RBFOX1: variants seen among roughly 807,000 people sequenced by gnomAD.
RBFOX1 encodes the protein RNA binding protein fox-1 homolog 1.
A neutral mutation model predicts 57.7 loss-of-function variants in RBFOX1; 8 were observed. The observed-to-expected ratio is 0.14, with a 90% CI of 0.08 to 0.25. RBFOX1 has a LOEUF of 0.25. RBFOX1 is among the 10% of genes least tolerant of loss of function. The pLI is 1.00. For missense variants in RBFOX1, 611 were observed against 548.5 expected, an observed-to-expected ratio of 1.11 and a Z score of -1.14; for synonymous variants, 326 against 222.4, an observed-to-expected ratio of 1.47 and a Z score of -4.15.
intron 4 of RBFOX1, among the ~76,000 whole-genome samples, chr16:7,106,913 T>C (rs1050497337): frequency 6.6e-6 from 1 of 151,838 alleles, no homozygotes; most frequent in Non-Finnish European, 1.5e-5. Flanking sequence ...GCAGTGGGCA[T>C]GCAACAAGGA....
chr16:5,820,505 A>T (rs1417490506), intron 3 of RBFOX1, among the ~76,000 whole-genome samples: 1 of 152,128 alleles, frequency 6.6e-6, no homozygotes, highest in Admixed American at 6.5e-5. Context: ...TTCTAGCCAC[A>T]AGGGAGGGGA....
chr16:7,450,128 G>A (rs1056930712), intron 4 of RBFOX1, among the ~76,000 whole-genome samples: 1 of 152,144 alleles, frequency 6.6e-6, no homozygotes, highest in African/African-American at 2.4e-5. Flanking sequence ...GAATGCGGTG[G>A]CTCATGCCTG....
At chr16:6,882,532 G>A (rs981001212) in intron 3 of RBFOX1, among the ~76,000 whole-genome samples, 2 of 152,192 alleles carry the variant, frequency 1.3e-5, no homozygotes, top group African/African-American at 2.4e-5. Flanking sequence ...AGGCAGGGAG[G>A]TTGCAGTGAG....
At chr16:6,557,786 A>C (rs1180100713) in intron 2 of RBFOX1, among the ~76,000 whole-genome samples, 1 of 152,152 alleles carries the variant, frequency 6.6e-6, no homozygotes, top group Non-Finnish European at 1.5e-5. Flanking sequence ...ATGTCAAGGC[A>C]ATGTTTTATT....
intron 5 of RBFOX1, among the ~76,000 whole-genome samples, chr16:7,536,077 C>T (rs1277877655): frequency 7.9e-5 from 12 of 152,200 alleles, no homozygotes; most frequent in Non-Finnish European, 1.8e-4. Context: ...CATCTGTATC[C>T]ACCAGGTTCG....
rs77358035 is a variant in RBFOX1, at chr16:7,407,373, GGTGTGTGTGT to G, written c.28-110751_28-110742del. On this transcript the variant is annotated intron_variant, in intron 4 of 15. Coordinates refer to ENST00000550418, the MANE Select transcript of RBFOX1 (RefSeq NM_018723.4). Reference sequence around the variant, plus strand: ...ATTTTGACTTCAAGGGATTTGTATGGGTGTGTGTGTGTGTGTGTGTGTGTGTGTGTGTATG... The same window carrying G: ...ATTTTGACTTCAAGGGATTTGTATGGGTGTGTGTGTGTGTGTGTGTGTATG... Among the ~76,000 whole-genome samples, 361 of 149,656 alleles carry G rather than the reference GGTGTGTGTGT, an allele frequency of 2.4e-3. 3 individuals are homozygous for G. The highest frequency in any genetic ancestry group is 7.4e-3 in the East Asian group (37 of 4,976).
At chr16:6,440,980 T>C (rs1490829998) in intron 2 of RBFOX1, among the ~76,000 whole-genome samples, 2 of 151,954 alleles carry the variant, frequency 1.3e-5, no homozygotes, top group Admixed American at 6.6e-5. Flanking sequence ...GTGGAGTGTA[T>C]GGCTGAGGTG....
intron 3 of RBFOX1, among the ~76,000 whole-genome samples, chr16:5,779,755 A>G (rs1015277804): frequency 5.3e-5 from 8 of 152,148 alleles, no homozygotes; most frequent in African/African-American, 1.9e-4. Flanking sequence ...TGGCTGCAGA[A>G]TACCCTGATA....
intron 4 of RBFOX1, among the ~76,000 whole-genome samples, chr16:7,137,807 T>G (rs1037824790): frequency 2.0e-5 from 3 of 152,222 alleles, no homozygotes; most frequent in African/African-American, 7.2e-5. Flanking sequence ...AGGGGAAGGT[T>G]GTAGTTCATC....
At chr16:7,341,083 C>T (rs1219264255) in intron 4 of RBFOX1, among the ~76,000 whole-genome samples, 1 of 152,042 alleles carries the variant, frequency 6.6e-6, no homozygotes, top group Non-Finnish European at 1.5e-5. Flanking sequence ...AAGTGCTTTT[C>T]CTGGGTGATT....
chr16:5,417,280 G>A (rs989040346), intron 1 of RBFOX1, among the ~76,000 whole-genome samples: 1 of 152,190 alleles, frequency 6.6e-6, no homozygotes, highest in African/African-American at 2.4e-5. Context: ...CAATGTGTCC[G>A]AACGTAATTT....
chr16:5,411,243 A>G lies in RBFOX1; in HGVS notation c.220-55973A>G, dbSNP rs181839379. Among the ~76,000 whole-genome samples the G allele has an allele frequency of 2.5e-3, 377 of 152,372 alleles. 1 individual carries two copies. Among genetic ancestry groups the G allele is most frequent in the African/African-American group, 8.5e-3 (354 of 41,590 alleles). On this transcript the variant is annotated intron_variant, in intron 1 of 2. Transcript: ENST00000585867. Reference sequence around the variant, plus strand: ...GCATGGCGAAAGGGACTTTGCATGTATGATTAAATTAAGGATTTTGAGATG... The same window carrying G: ...GCATGGCGAAAGGGACTTTGCATGTGTGATTAAATTAAGGATTTTGAGATG...
chr16:5,631,811 A>G (rs758057346), intron 3 of RBFOX1, among the ~76,000 whole-genome samples: 24 of 152,196 alleles, frequency 1.6e-4, no homozygotes, highest in Non-Finnish European at 3.1e-4. Flanking sequence ...CATTGTCTAG[A>G]TGAGCTTTTC....
At chr16:6,604,851 T>A (rs2097904445) in intron 2 of RBFOX1, among the ~76,000 whole-genome samples, 1 of 152,128 alleles carries the variant, frequency 6.6e-6, no homozygotes, top group Non-Finnish European at 1.5e-5. Flanking sequence ...AAAAAGTAAA[T>A]GAGCTTGGGC....
chr16:5,384,479 T>C (rs969592154), intron 1 of RBFOX1, among the ~76,000 whole-genome samples: 1 of 152,020 alleles, frequency 6.6e-6, no homozygotes, highest in African/African-American at 2.4e-5. Context: ...TTAAGTTGGG[T>C]TTTGAAGGGT....
Position 5,321,242 on chromosome 16 carries a change from C to G in RBFOX1, c.219+81137C>G, listed in dbSNP as rs2064395389. The stretch of plus-strand genomic sequence containing the variant: ...AAAAATGTCTCCAGACGTTGAATGT[C>G]TCCTGAGGGGTGGGAGTGAGAAGCA... On this transcript the variant is annotated intron_variant, in intron 1 of 2. Transcript: ENST00000585867. 2.6e-5 allele frequency among the ~76,000 whole-genome samples: 4 copies of G among 152,222 alleles called. 1 individual carries two copies. In the South Asian group the frequency reaches 8.3e-4, roughly 32 times the overall value.
At chr16:7,247,218 A>T (rs2094336958) in intron 4 of RBFOX1, among the ~76,000 whole-genome samples, 1 of 152,144 alleles carries the variant, frequency 6.6e-6, no homozygotes, top group South Asian at 2.1e-4. Flanking sequence ...TTGGTGAAGG[A>T]GAAGTGCAAG....
At chr16:6,948,712 C>G (rs553079199) in intron 3 of RBFOX1, among the ~76,000 whole-genome samples, 1 of 152,104 alleles carries the variant, frequency 6.6e-6, no homozygotes, top group African/African-American at 2.4e-5. Context: ...ACTCCCTCCT[C>G]CATCATTTGA....
At chr16:6,850,902 C>T (rs897596309) in intron 3 of RBFOX1, among the ~76,000 whole-genome samples, 1 of 152,162 alleles carries the variant, frequency 6.6e-6, no homozygotes, top group African/African-American at 2.4e-5. Flanking sequence ...GAAAACACAT[C>T]CACAAAACAA....
Sources: allele counts gnomAD v4.1 joint callset (sites outside exome capture counted in the v4.1 genomes callset), GRCh38; gene constraint gnomAD v4.1.1; transcripts MANE v1.5; gene names NCBI Gene and HGNC (gene_info 2026-07-23, HGNC 2026-07-21).